SEMA3E: variants seen among roughly 807,000 people sequenced by gnomAD.
The protein encoded by SEMA3E is semaphorin-3E.
A neutral mutation model predicts 93.6 loss-of-function variants in SEMA3E; 49 were observed. That is an observed-to-expected ratio of 0.52 (90% CI 0.42 to 0.66). The LOEUF is 0.66. SEMA3E is among the 30% of genes least tolerant of loss of function. SEMA3E has a pLI of 0.00. For synonymous variants in SEMA3E, 363 were observed against 330.7 expected, an observed-to-expected ratio of 1.10 and a Z score of -1.06; for missense variants, 906 against 964.8, an observed-to-expected ratio of 0.94 and a Z score of 0.81.
chr7:83,452,176 A>G lies in SEMA3E; in HGVS notation c.456+14306T>C, dbSNP rs897467157. On this transcript the variant is annotated intron_variant, in intron 4 of 16. Transcript: ENST00000643230. ...GTGTGTGTGTGTATGAATGTCCATG[A>G]AATATTTTGAGTGAGAATCAACAAA... 2.0e-5 allele frequency among the ~76,000 whole-genome samples: 3 copies of G among 152,150 alleles called. No homozygotes were observed. In the East Asian group the frequency reaches 5.8e-4, roughly 29 times the overall value.
At chr7:83,586,683 G>C (rs573409444) in intron 1 of SEMA3E, among the ~76,000 whole-genome samples, 13 of 151,582 alleles carry the variant, frequency 8.6e-5, no homozygotes, top group Non-Finnish European at 1.6e-4. Context: ...TTATAATAGA[G>C]GTTTCTTTAA....
rs1428506046 is a variant in SEMA3E at position 83,449,781 on chromosome 7, TCTA to T, written c.456+16698_456+16700del. 2.8e-3 allele frequency among the ~76,000 whole-genome samples: 424 copies of T among 152,328 alleles called. 2 individuals carry two copies. Among genetic ancestry groups the T allele is most frequent in the African/African-American group, 8.5e-3 (353 of 41,576 alleles). ...TTATACACATATAAATCAACTACTC[TCTA>T]CTGTTTCCTCCCAATTTTATTTTGG... On this transcript the variant is annotated intron_variant, in intron 4 of 16. Coordinates refer to ENST00000643230, the MANE Select transcript of SEMA3E (RefSeq NM_012431.3).
chr7:83,425,928 C>T (rs10239628), intron 4 of SEMA3E, among the ~76,000 whole-genome samples: 5,915 of 125,204 alleles, frequency 0.047, 363 homozygotes, highest in African/African-American at 0.18. Context: ...AAGACATGAA[C>T]AAATTCTTTC....
chr7:83,459,194 T>G lies in SEMA3E; in HGVS notation c.456+7288A>C, dbSNP rs148771008. Among the ~76,000 whole-genome samples, 13 of 151,836 alleles carry G rather than the reference T, an allele frequency of 8.6e-5. No homozygotes were observed. In the East Asian group the frequency reaches 2.3e-3, roughly 27 times the overall value. Reference sequence around the variant, plus strand: ...GAAAACCAATGATAAAGACAAAATCTTAAAAGATAAAGCAATTTTAAAAGG... The same window carrying G: ...GAAAACCAATGATAAAGACAAAATCGTAAAAGATAAAGCAATTTTAAAAGG... On this transcript the variant is annotated intron_variant, in intron 4 of 16. Transcript: ENST00000643230.
At chr7:83,625,116 T>C (rs1248044942) in intron 1 of SEMA3E, among the ~76,000 whole-genome samples, 2 of 152,234 alleles carry the variant, frequency 1.3e-5, no homozygotes, top group Non-Finnish European at 2.9e-5. Flanking sequence ...CATGCTGTTT[T>C]GGTTACTGTA....
rs111794926 is a variant in SEMA3E at position 83,376,304 on chromosome 7, G to A, written c.1876-8266C>T. Among the ~76,000 whole-genome samples, 1,126 of 152,102 alleles carry A rather than the reference G, an allele frequency of 7.4e-3. 7 individuals carry two copies. The highest frequency in any genetic ancestry group is 0.012 in the Non-Finnish European group (792 of 67,910). ...ATTGGTAAAAGTTAGGAAAATATGA[G>A]TCATGTAACAAACAAAATGGTAAAA... On this transcript the variant is annotated intron_variant, in intron 16 of 16. Coordinates refer to ENST00000643230, the MANE Select transcript of SEMA3E (RefSeq NM_012431.3).
At chr7:83,431,094 G>GAA (rs869043431) in intron 4 of SEMA3E, among the ~76,000 whole-genome samples, 2 of 8,444 alleles carry the variant, frequency 2.4e-4, no homozygotes, top group Non-Finnish European at 1.0e-3. Context: ...AGAAAAAAAA[G>GAA]AAAAAAAAAA....
chr7:83,531,284 GTT>G (rs34372992), intron 1 of SEMA3E, among the ~76,000 whole-genome samples: 5 of 80,614 alleles, frequency 6.2e-5, no homozygotes, highest in East Asian at 6.3e-4. Flanking sequence ...AAAATTCATA[GTT>G]TTTTTTTTTT....
chr7:83,576,841 G>T (rs1021097183), intron 1 of SEMA3E, among the ~76,000 whole-genome samples: 1 of 151,974 alleles, frequency 6.6e-6, no homozygotes, highest in Non-Finnish European at 1.5e-5. Flanking sequence ...TGGGCAGGCT[G>T]GTCTCAAAAC....
At chr7:83,636,284 T>C (rs927035426) in intron 1 of SEMA3E, among the ~76,000 whole-genome samples, 1 of 152,148 alleles carries the variant, frequency 6.6e-6, no homozygotes, top group Non-Finnish European at 1.5e-5. Flanking sequence ...GTGCCTAATA[T>C]GTTGCAAAAG....
chr7:83,437,048 A>G (rs983924599), intron 4 of SEMA3E, among the ~76,000 whole-genome samples: 2 of 152,148 alleles, frequency 1.3e-5, no homozygotes, highest in African/African-American at 2.4e-5. Flanking sequence ...GAGACTTACT[A>G]TCATGAGAAC....
chr7:83,492,571 G>A (rs948245060), intron 1 of SEMA3E, among the ~76,000 whole-genome samples: 3 of 151,718 alleles, frequency 2.0e-5, no homozygotes, highest in Non-Finnish European at 4.4e-5. Context: ...CCTCTCTATG[G>A]CCAAATCTAT....
chr7:83,447,003 A>G (rs1789244932), intron 4 of SEMA3E, among the ~76,000 whole-genome samples: 1 of 152,148 alleles, frequency 6.6e-6, no homozygotes, highest in Non-Finnish European at 1.5e-5. Context: ...ACTATATACT[A>G]TTTTGGATTT....
Position 83,517,137 on chromosome 7 carries a change from C to G in SEMA3E, c.116-26863G>C, listed in dbSNP as rs1270537859. On this transcript the variant is annotated intron_variant, in intron 1 of 16. Transcript: ENST00000643230. The stretch of plus-strand genomic sequence containing the variant: ...TCCTTTCAGGGTCTATAAGCACATG[C>G]ATTTAAATTGAGCATCTGCATTAAC... 4.6e-5 allele frequency among the ~76,000 whole-genome samples: 7 copies of G among 152,192 alleles called. No homozygotes were observed. In the East Asian group the frequency reaches 1.4e-3, roughly 29 times the overall value.
chr7:83,536,741 G>A (rs951020866), intron 1 of SEMA3E, among the ~76,000 whole-genome samples: 2 of 152,024 alleles, frequency 1.3e-5, no homozygotes, highest in African/African-American at 4.8e-5. Flanking sequence ...AATATCCTCA[G>A]TGACAGTGAC....
chr7:83,423,494 A>C (rs912320255), intron 4 of SEMA3E, among the ~76,000 whole-genome samples: 1 of 142,952 alleles, frequency 7.0e-6, no homozygotes, highest in African/African-American at 2.5e-5. Context: ...TTTCTGCATC[A>C]CTATGAAGAA....
chr7:83,600,878 C>A (rs1017823153), intron 1 of SEMA3E, among the ~76,000 whole-genome samples: 19 of 152,102 alleles, frequency 1.2e-4, no homozygotes, highest in African/African-American at 4.6e-4. Context: ...ATAATGGCAT[C>A]CTCAAAGATG....
Position 83,367,937 on chromosome 7 carries a change from A to G in SEMA3E, c.1977T>C (p.His659=), listed in dbSNP as rs1451860370. The G allele has an allele frequency of 1.2e-6, 2 of 1,613,078 alleles. No homozygotes were observed. Among genetic ancestry groups the G allele is most frequent in the Admixed American group, 1.7e-5 (1 of 59,910 alleles). Residue 659 remains histidine (H), a synonymous_variant, in exon 17 of 17, where the codon CAT becomes CAC. Coordinates refer to ENST00000643230, the MANE Select transcript of SEMA3E (RefSeq NM_012431.3). ...AGTYFCQTVE[H]SFVHTVRKIT... is the part of the protein sequence containing the mutation. ...TTTTACGGACCGTATGGACAAAGCT[A>G]TGCTCTACTGTCTGGCAAAAATAGG... is the stretch of plus-strand genomic sequence containing the variant.
At chr7:83,637,696 A>G (rs556657210) in intron 1 of SEMA3E, among the ~76,000 whole-genome samples, 1 of 151,778 alleles carries the variant, frequency 6.6e-6, no homozygotes, top group East Asian at 1.9e-4. Flanking sequence ...CCCTTCTGCC[A>G]TGATTGTAAG....
Sources: allele counts gnomAD v4.1 joint callset (sites outside exome capture counted in the v4.1 genomes callset), GRCh38; gene constraint gnomAD v4.1.1; transcripts MANE v1.5; gene names NCBI Gene and HGNC (gene_info 2026-07-23, HGNC 2026-07-21).